Variants in ADAMTS6 observed in about 807,000 individuals in gnomAD.
The protein encoded by ADAMTS6 is ADAM metallopeptidase with thrombospondin type 1 motif 6, also known as A disintegrin and metalloproteinase with thrombospondin motifs 6.
A neutral mutation model predicts 144.3 loss-of-function variants in ADAMTS6; 23 were observed. That is an observed-to-expected ratio of 0.16 (90% CI 0.11 to 0.23). The LOEUF (loss-of-function observed/expected upper bound fraction) is 0.23. Among genes scored for constraint, ADAMTS6 ranks in the 10% least tolerant of loss-of-function variants. ADAMTS6 has a pLI of 1.00. For missense variants in ADAMTS6, 999 were observed against 1,379.6 expected, an observed-to-expected ratio of 0.72 and a Z score of 4.37; for synonymous variants, 444 against 457.5, an observed-to-expected ratio of 0.97 and a Z score of 0.38.
At chr5:65,366,660 A>C (rs1337230208) in intron 7 of ADAMTS6, among the ~76,000 whole-genome samples, 1 of 152,172 alleles carries the variant, frequency 6.6e-6, no homozygotes. Context: ...CATCTTGCTG[A>C]CCCCAGATTC....
chr5:65,432,879 A>G (rs1414446178), intron 7 of ADAMTS6, among the ~76,000 whole-genome samples: 1 of 152,142 alleles, frequency 6.6e-6, no homozygotes, highest in Non-Finnish European at 1.5e-5. Context: ...TACCTAGAAG[A>G]TAACAGCACC....
chr5:65,204,092 C>T (rs1755920499), intron 20 of ADAMTS6, among the ~76,000 whole-genome samples: 1 of 152,144 alleles, frequency 6.6e-6, no homozygotes, highest in East Asian at 1.9e-4. Flanking sequence ...GATTTCTTGC[C>T]TTCAGTTATA....
At chr5:65,240,853 A>T (rs1342862125) in intron 15 of ADAMTS6, among the ~76,000 whole-genome samples, 2 of 152,220 alleles carry the variant, frequency 1.3e-5, no homozygotes. Context: ...AATGTTCTGT[A>T]TCTCAATAGG....
At chr5:65,447,002 G>A (rs1233153867) in intron 7 of ADAMTS6, among the ~76,000 whole-genome samples, 1 of 151,940 alleles carries the variant, frequency 6.6e-6, no homozygotes, top group African/African-American at 2.4e-5. Flanking sequence ...AAAGAACTTG[G>A]GCTATAATTT....
chr5:65,429,077 A>G (rs1756784449), intron 7 of ADAMTS6, among the ~76,000 whole-genome samples: 2 of 152,184 alleles, frequency 1.3e-5, no homozygotes, highest in African/African-American at 4.8e-5. Flanking sequence ...GTCCACAGAA[A>G]CTAGAAAGAA....
At chr5:65,295,173 A>G (rs1742711358) in intron 10 of ADAMTS6, among the ~76,000 whole-genome samples, 1 of 152,104 alleles carries the variant, frequency 6.6e-6, no homozygotes, top group African/African-American at 2.4e-5. Flanking sequence ...GCTGATATGA[A>G]CACTTTTTGT....
In ADAMTS6 at chr5:65,273,432, G is replaced by C; in HGVS notation, c.1528C>G (p.Leu510Val). The C allele has an allele frequency of 6.2e-7, 1 of 1,613,786 alleles. No individual in the cohort carries two copies. Among genetic ancestry groups the C allele is most frequent in the Non-Finnish European group, 8.5e-7 (1 of 1,179,748 alleles). Residue 510 changes from leucine to valine, a missense_variant, in exon 12 of 25, where the codon CTC (leucine) becomes GTC (valine). By Grantham distance (32) the Leu-to-Val change is conservative. This residue lies in a region of ADAMTS6 where 619 missense variants were observed against 837.0 expected (regional missense o/e 0.74). Coordinates refer to ENST00000381055, the MANE Select transcript of ADAMTS6 (RefSeq NM_197941.4). The stretch of plus-strand genomic sequence containing the variant: ...CGGTTGCTTTTGCTGAGACACCAGA[G>C]CTCTCTACACACTTCCTAGGAAAGA... Reference protein sequence around the residue: ...QCKYGEVCRELWCLSKSNRCV... With the variant: ...QCKYGEVCREVWCLSKSNRCV...
chr5:65,373,626 A>C (rs1751203381), intron 7 of ADAMTS6, among the ~76,000 whole-genome samples: 1 of 152,184 alleles, frequency 6.6e-6, no homozygotes, highest in African/African-American at 2.4e-5. Flanking sequence ...ATAGCTTACC[A>C]ACCAAAAAGA....
chr5:65,359,866 GT>G (rs1190321799), intron 7 of ADAMTS6, among the ~76,000 whole-genome samples: 5 of 151,900 alleles, frequency 3.3e-5, no homozygotes, highest in African/African-American at 1.2e-4. Flanking sequence ...GAAGGGGGAA[GT>G]TTTTGATTAA....
chr5:65,265,308 G>A (rs1331878421), intron 12 of ADAMTS6, among the ~76,000 whole-genome samples: 1 of 152,042 alleles, frequency 6.6e-6, no homozygotes, highest in Non-Finnish European at 1.5e-5. Context: ...CCTGTGATCA[G>A]GGTTACTGAT....
intron 7 of ADAMTS6, among the ~76,000 whole-genome samples, chr5:65,440,690 T>C (rs1361569550): frequency 6.6e-6 from 1 of 152,066 alleles, no homozygotes; most frequent in African/African-American, 2.4e-5. Context: ...GAGGTAATAA[T>C]GCCTAGCACT....
intron 7 of ADAMTS6, among the ~76,000 whole-genome samples, chr5:65,404,305 C>A (rs143791076): frequency 5.3e-5 from 8 of 152,168 alleles, no homozygotes; most frequent in Middle Eastern, 3.4e-3. Flanking sequence ...CTGCCCCTAC[C>A]CCATGACAGG....
At chr5:65,359,105 A>G (rs1312684165) in intron 7 of ADAMTS6, among the ~76,000 whole-genome samples, 1 of 152,180 alleles carries the variant, frequency 6.6e-6, no homozygotes, top group Non-Finnish European at 1.5e-5. Flanking sequence ...AGAATAGGAG[A>G]AAATATTTGT....
At chr5:65,176,196 T>A (rs1753972056) in intron 22 of ADAMTS6, among the ~76,000 whole-genome samples, 1 of 152,152 alleles carries the variant, frequency 6.6e-6, no homozygotes, top group Non-Finnish European at 1.5e-5. Flanking sequence ...ATTAACTGGT[T>A]ATTTAAAGAA....
chr5:65,256,076 T>A (rs953972351), intron 14 of ADAMTS6, among the ~76,000 whole-genome samples: 1 of 152,200 alleles, frequency 6.6e-6, no homozygotes, highest in African/African-American at 2.4e-5. Context: ...TTTACAATCT[T>A]CTTTATAACG....
At chr5:65,415,487 C>G (rs1487461220) in intron 7 of ADAMTS6, 1 of 224,354 alleles carries the variant, frequency 4.5e-6, no homozygotes, top group Admixed American at 5.0e-5. Flanking sequence ...GCTGAAGCCA[C>G]GGAGCTCACA....
At chr5:65,222,986 C>CA (rs901579414) in intron 18 of ADAMTS6, among the ~76,000 whole-genome samples, 2 of 150,322 alleles carry the variant, frequency 1.3e-5, no homozygotes, top group South Asian at 2.1e-4. Context: ...ACTCATAACT[C>CA]AAAAAAAGGA....
intron 7 of ADAMTS6, among the ~76,000 whole-genome samples, chr5:65,448,441 A>T (rs1758449277): frequency 6.7e-6 from 1 of 149,280 alleles, no homozygotes; most frequent in Admixed American, 6.7e-5. Context: ...GGAAATAAAC[A>T]TATCCATCAT....
At chr5:65,335,267 T>G (rs1313391314) in intron 7 of ADAMTS6, among the ~76,000 whole-genome samples, 1 of 152,198 alleles carries the variant, frequency 6.6e-6, no homozygotes, top group Non-Finnish European at 1.5e-5. Flanking sequence ...TCCTCTTGCA[T>G]AAACTTCTCT....
Sources: allele counts gnomAD v4.1 joint callset (sites outside exome capture counted in the v4.1 genomes callset), GRCh38; gene constraint gnomAD v4.1.1; regional missense constraint gnomAD v4.1.1; transcripts MANE v1.5; gene names NCBI Gene and HGNC (gene_info 2026-07-23, HGNC 2026-07-21).